SEMA6D: variants seen among roughly 807,000 people sequenced by gnomAD.
The protein encoded by SEMA6D is semaphorin 6D.
A neutral mutation model predicts 106.6 loss-of-function variants in SEMA6D; 35 were observed. That is an observed-to-expected ratio of 0.33 (90% CI 0.25 to 0.44). SEMA6D has a LOEUF of 0.44. SEMA6D is among the 20% of genes least tolerant of loss of function. The pLI is 1.00. For synonymous variants in SEMA6D, 499 were observed against 487.7 expected, an observed-to-expected ratio of 1.02 and a Z score of -0.31; for missense variants, 1,185 against 1,345.9, an observed-to-expected ratio of 0.88 and a Z score of 1.87.
chr15:47,630,796 A>G (rs567966221), intron 4 of SEMA6D, among the ~76,000 whole-genome samples: 41 of 151,968 alleles, frequency 2.7e-4, no homozygotes, highest in Middle Eastern at 3.4e-3. Flanking sequence ...TAAGATTTTA[A>G]AAATCATACA....
chr15:47,545,565 A>G (rs1399841493), intron 3 of SEMA6D, among the ~76,000 whole-genome samples: 2 of 152,194 alleles, frequency 1.3e-5, no homozygotes, highest in Non-Finnish European at 2.9e-5. Flanking sequence ...CAGTTTCTGA[A>G]TTGAATTCTG....
intron 1 of SEMA6D, among the ~76,000 whole-genome samples, chr15:47,350,926 A>G (rs1056746059): frequency 6.6e-6 from 1 of 152,138 alleles, no homozygotes; most frequent in African/African-American, 2.4e-5. Context: ...GTTTGCTTGT[A>G]TGATAACTTT....
chr15:47,413,474 T>G (rs2040865321), intron 2 of SEMA6D, among the ~76,000 whole-genome samples: 1 of 152,038 alleles, frequency 6.6e-6, no homozygotes. Flanking sequence ...TTTAATATAT[T>G]TTCTTTCTTT....
At chr15:47,337,793 A>G (rs373733905) in intron 1 of SEMA6D, among the ~76,000 whole-genome samples, 6 of 152,248 alleles carry the variant, frequency 3.9e-5, no homozygotes, top group African/African-American at 1.4e-4. Flanking sequence ...CTCTGTCTTT[A>G]TGGTTGATCT....
intron 2 of SEMA6D, among the ~76,000 whole-genome samples, chr15:47,467,543 G>A (rs2042702118): frequency 6.6e-6 from 1 of 152,118 alleles, no homozygotes; most frequent in South Asian, 2.1e-4. Flanking sequence ...ACTGGAAAAT[G>A]TTAGCTAAAT....
intron 1 of SEMA6D, among the ~76,000 whole-genome samples, chr15:47,335,514 C>T (rs998539160): frequency 2.0e-5 from 3 of 152,070 alleles, no homozygotes; most frequent in African/African-American, 4.8e-5. Context: ...CCTATGCAAG[C>T]CATGTTGGAC....
chr15:47,400,290 G>T (rs1356323353), intron 1 of SEMA6D, among the ~76,000 whole-genome samples: 2 of 152,068 alleles, frequency 1.3e-5, no homozygotes, highest in Non-Finnish European at 2.9e-5. Context: ...AGGAGTTCAA[G>T]ACCAGCTTGG....
chr15:47,415,712 G>A (rs571488464), intron 2 of SEMA6D, among the ~76,000 whole-genome samples: 1 of 152,200 alleles, frequency 6.6e-6, no homozygotes, highest in African/African-American at 2.4e-5. Flanking sequence ...AAATGTTGTA[G>A]ACAATCAATA....
rs193038222 is a variant in SEMA6D, at chr15:47,250,089, C to A, written c.-239+65671C>A. On this transcript the variant is annotated intron_variant, in intron 1 of 19. Transcript: ENST00000558014. ...AGAGGAGCTTGTGGTCTACAAGGAT[C>A]ATTTCTACAAAATAAAACTAATCAC... 1.4e-3 allele frequency among the ~76,000 whole-genome samples: 213 copies of A among 152,300 alleles called. 1 individual carries two copies. Among genetic ancestry groups the A allele is most frequent in the Middle Eastern group, 6.8e-3 (2 of 294 alleles).
At chr15:47,760,541 T>C (rs2082003073) in intron 3 of SEMA6D, 126 bp downstream of exon 3, 3 of 702,002 alleles carry the variant, frequency 4.3e-6, no homozygotes, top group Non-Finnish European at 7.1e-6. Flanking sequence ...GCCAGAAATA[T>C]TCACTGAGAA....
At chr15:47,288,422 A>G (rs534088238) in intron 1 of SEMA6D, among the ~76,000 whole-genome samples, 1 of 152,278 alleles carries the variant, frequency 6.6e-6, no homozygotes, top group South Asian at 2.1e-4. Flanking sequence ...TAATCCTCAC[A>G]ATATCTCTTT....
intron 1 of SEMA6D, among the ~76,000 whole-genome samples, chr15:47,254,670 G>A (rs1266204890): frequency 4.6e-5 from 7 of 152,038 alleles, no homozygotes; most frequent in African/African-American, 1.7e-4. Flanking sequence ...ATCTATTGAA[G>A]TGATCTTATG....
At chr15:47,732,011 G>A (rs1330048127) in intron 1 of SEMA6D, among the ~76,000 whole-genome samples, 5 of 152,122 alleles carry the variant, frequency 3.3e-5, no homozygotes, top group African/African-American at 9.7e-5. Context: ...CTAGACCTCC[G>A]AGTCTAGTTT....
chr15:47,234,898 C>T (rs948307806), intron 1 of SEMA6D, among the ~76,000 whole-genome samples: 10 of 152,094 alleles, frequency 6.6e-5, no homozygotes, highest in African/African-American at 2.2e-4. Context: ...GACAGATCTA[C>T]TTTTAGTTCT....
intron 1 of SEMA6D, among the ~76,000 whole-genome samples, chr15:47,748,114 G>A (rs2081244589): frequency 6.6e-6 from 1 of 152,210 alleles, no homozygotes; most frequent in Non-Finnish European, 1.5e-5. Flanking sequence ...TTAATGATGG[G>A]TAGGTGTGAA....
chr15:47,577,400 T>A (rs952201408), intron 3 of SEMA6D, among the ~76,000 whole-genome samples: 1 of 152,242 alleles, frequency 6.6e-6, no homozygotes, highest in Admixed American at 6.5e-5. Flanking sequence ...AAAGTCACTT[T>A]CAGCAAAAGA....
intron 16 of SEMA6D, among the ~76,000 whole-genome samples, 179 bp from the exon 17 acceptor site, chr15:47,766,858 T>C (rs1226299543): frequency 1.3e-5 from 2 of 152,160 alleles, no homozygotes; most frequent in Non-Finnish European, 2.9e-5. Flanking sequence ...GCTTACTTTT[T>C]TTTTCCTTCA....
At chr15:47,550,317 T>C (rs1156721647) in intron 3 of SEMA6D, among the ~76,000 whole-genome samples, 1 of 152,158 alleles carries the variant, frequency 6.6e-6, no homozygotes, top group African/African-American at 2.4e-5. Context: ...ATTTCTGTAA[T>C]ACCACAAGAG....
intron 1 of SEMA6D, among the ~76,000 whole-genome samples, chr15:47,286,361 G>A (rs925949744): frequency 2.0e-5 from 3 of 152,172 alleles, no homozygotes; most frequent in East Asian, 3.9e-4. Context: ...TATGTTTACA[G>A]GAGTTCTATC....
Sources: allele counts gnomAD v4.1 joint callset (sites outside exome capture counted in the v4.1 genomes callset), GRCh38; gene constraint gnomAD v4.1.1; transcripts MANE v1.5; gene names NCBI Gene and HGNC (gene_info 2026-07-23, HGNC 2026-07-21).